The following NPC1 variants were observed in gnomAD, a reference collection of about 807,000 sequenced individuals.
NPC1 encodes the protein Niemann-Pick C1 protein.
A neutral mutation model predicts 140.4 loss-of-function variants in NPC1; 85 were observed. The observed-to-expected ratio is 0.61, with a 90% CI of 0.51 to 0.72. The LOEUF is 0.72. Among genes scored for constraint, NPC1 ranks in the 30% least tolerant of loss-of-function variants. NPC1 has a pLI of 0.00. For missense variants in NPC1, 1,504 were observed against 1,623.8 expected (o/e 0.93, Z 1.27); for synonymous variants, 656 against 624.8 (o/e 1.05, Z -0.74).
chr18:23,535,296 C>T (rs967576537), intron 22 of NPC1, among the ~76,000 whole-genome samples, 173 bp downstream of exon 22: 6 of 152,144 alleles, frequency 3.9e-5, no homozygotes, highest in African/African-American at 1.4e-4. Flanking sequence ...ATGCCCTGTC[C>T]CACCACCATC....
chr18:23,585,308 G>A (rs964764381), intron 1 of NPC1, among the ~76,000 whole-genome samples: 1 of 152,144 alleles, frequency 6.6e-6, no homozygotes, highest in Non-Finnish European at 1.5e-5. Flanking sequence ...GAACTGCTGA[G>A]CTCAAGAGAT....
downstream of NPC1, among the ~76,000 whole-genome samples, chr18:23,526,072 TG>T (rs1402721777): frequency 6.6e-6 from 1 of 152,234 alleles, no homozygotes; most frequent in African/African-American, 2.4e-5. Flanking sequence ...GTCACCCAGA[TG>T]ATTTTTTATG....
At chr18:23,544,868 A>G in intron 12 of NPC1, 92 bp downstream of exon 12, 2 of 938,386 alleles carry the variant, frequency 2.1e-6, no homozygotes, top group Non-Finnish European at 3.4e-6. Context: ...AGTTTTAAAC[A>G]TAATGGAATA....
Position 23,556,484 on chromosome 18 carries a change from G to T in NPC1, c.1085C>A (p.Thr362Asn), listed in dbSNP as rs761903316. ...AAACACCAGGCCTGACGAACACGCA[G>T]TAATGAAGACCAGCGAGAAGAAAAT... Reference protein sequence around the residue: ...CVIFFSLVFITACSSGLVFVR... With the variant: ...CVIFFSLVFINACSSGLVFVR... The change falls in exon 8 of 25, where the codon ACT (threonine) becomes AAT (asparagine). Residue 362 changes from threonine to asparagine, a missense_variant. Coordinates refer to ENST00000269228, the MANE Select transcript of NPC1 (RefSeq NM_000271.5). 11 of 1,614,198 alleles carry T rather than the reference G, an allele frequency of 6.8e-6. No individual in the cohort carries two copies. In the Admixed American group the frequency reaches 1.8e-4, roughly 27 times the overall value.
chr18:23,565,034 T>C (rs953602605), intron 4 of NPC1, among the ~76,000 whole-genome samples: 2 of 152,222 alleles, frequency 1.3e-5, no homozygotes, highest in Non-Finnish European at 2.9e-5. Flanking sequence ...TATATGTCTA[T>C]CTTTATTCCA....
At chr18:23,517,752 C>T (rs2058047320), downstream of NPC1, among the ~76,000 whole-genome samples, 1 of 151,924 alleles carries the variant, frequency 6.6e-6, no homozygotes. Context: ...GAGTGTCGCT[C>T]TGTTGCCCAG....
downstream of NPC1, among the ~76,000 whole-genome samples, chr18:23,521,965 C>T (rs1251721179): frequency 3.9e-5 from 6 of 152,186 alleles, no homozygotes. Context: ...TCAGATGGCT[C>T]ACATTTGGAA....
At chr18:23,579,577 G>A (rs1828317545) in intron 1 of NPC1, among the ~76,000 whole-genome samples, 1 of 152,130 alleles carries the variant, frequency 6.6e-6, no homozygotes, top group East Asian at 1.9e-4. Context: ...GATAGGAACA[G>A]TTCAGGAAAG....
In NPC1 at chr18:23,532,030, C is replaced by A. The variant is rs1598927547; in HGVS notation, c.*172G>T. ...CCTCCAGATCTAGTAATACTGCTTCCCAAGTCAACTGTGCATTCCTGAGTT... is the reference window on the plus strand; with the variant it reads ...CCTCCAGATCTAGTAATACTGCTTCACAAGTCAACTGTGCATTCCTGAGTT... On this transcript the variant is annotated 3_prime_UTR_variant, in exon 25 of 25. Transcript: ENST00000269228. The A allele has an allele frequency of 2.6e-6, 4 of 1,539,048 alleles. No homozygotes were observed. The highest frequency in any genetic ancestry group is 3.5e-6 in the Non-Finnish European group (4 of 1,144,910).
downstream of NPC1, chr18:23,520,347 C>G: frequency 6.6e-7 from 1 of 1,521,184 alleles, no homozygotes; most frequent in East Asian, 2.3e-5. Flanking sequence ...TCTGTGCTGC[C>G]CTTTCACCAT....
chr18:23,556,271 G>A lies in NPC1; in HGVS notation c.1298C>T (p.Pro433Leu), dbSNP rs1064793791. Reference protein sequence around the residue: ...YPSGADVPFGPPLDIQILHQV... With the variant: ...YPSGADVPFGLPLDIQILHQV... ...GTGCAGTATCTGTATGTCAAGCGGA[G>A]GTCCAAAGGGTACATCAGCTCCCGA... Residue 433 changes from proline (P) to leucine (L), a missense_variant, in exon 8 of 25, where the codon CCT (proline) becomes CTT (leucine). Coordinates refer to ENST00000269228, the MANE Select transcript of NPC1 (RefSeq NM_000271.5). The A allele has an allele frequency of 9.3e-6, 15 of 1,614,130 alleles. No homozygotes were observed. The highest frequency in any genetic ancestry group is 1.3e-5 in the Non-Finnish European group (15 of 1,180,020).
chr18:23,509,015 G>A (rs2057781502), intron 3 of NPC1, among the ~76,000 whole-genome samples: 1 of 152,056 alleles, frequency 6.6e-6, no homozygotes, highest in African/African-American at 2.4e-5. Flanking sequence ...TGAATGAAGA[G>A]TTATGGGCAA....
At chr18:23,558,320 G>C (rs979291961) in intron 6 of NPC1, among the ~76,000 whole-genome samples, 1 of 152,162 alleles carries the variant, frequency 6.6e-6, no homozygotes, top group Non-Finnish European at 1.5e-5. Flanking sequence ...TTGAGCAAGT[G>C]ATCAAGGTTA....
At chr18:23,520,250 GTTACC>G, downstream of NPC1, 1 of 1,614,060 alleles carries the variant, frequency 6.2e-7, no homozygotes, top group Non-Finnish European at 8.5e-7. Flanking sequence ...TGACGGCTCC[GTTACC>G]TTCCACCACC....
At chr18:23,530,276 G>T, downstream of NPC1, 1 of 1,614,194 alleles carries the variant, frequency 6.2e-7, no homozygotes, top group Non-Finnish European at 8.5e-7. Flanking sequence ...CTGCTCATCA[G>T]CTATCTCTGG....
intron 3 of NPC1, among the ~76,000 whole-genome samples, chr18:23,513,423 T>G (rs2057917050): frequency 6.6e-6 from 1 of 152,238 alleles, no homozygotes; most frequent in South Asian, 2.1e-4. Flanking sequence ...ATACACCACA[T>G]TTTGCTTATC....
intron 20 of NPC1, among the ~76,000 whole-genome samples, chr18:23,538,107 G>C (rs2058659117): frequency 6.6e-6 from 1 of 152,272 alleles, no homozygotes; most frequent in African/African-American, 2.4e-5. Context: ...GGGCTGGCAA[G>C]GAGCATGACG....
rs1598929370 is a variant in NPC1, at chr18:23,532,417, C to T, written c.3755-133G>A. The T allele has an allele frequency of 3.3e-6, 3 of 921,774 alleles. No homozygotes were observed. In the East Asian group the frequency reaches 7.3e-5, roughly 22 times the overall value. The allele number at this position is 921,774 out of a possible 1,614,324, so 57.1% of individuals were successfully genotyped here. On this transcript the variant is annotated intron_variant, in intron 24 of 24. Coordinates refer to ENST00000269228, the MANE Select transcript of NPC1 (RefSeq NM_000271.5). Reference sequence around the variant, plus strand: ...AATTGCTTGAGACCAGCCTGGACAACAGAGTGAGACCACATCTCTCTCCCT... The same window carrying T: ...AATTGCTTGAGACCAGCCTGGACAATAGAGTGAGACCACATCTCTCTCCCT...
Position 23,535,615 on chromosome 18 carries a change from G to T in NPC1, c.3331C>A (p.Leu1111Met). 1 of 1,614,188 alleles carries T rather than the reference G, an allele frequency of 6.2e-7. No homozygotes were observed. The highest frequency in any genetic ancestry group is 1.1e-5 in the South Asian group (1 of 91,084). The change falls in exon 22 of 25, where the codon CTG (leucine) becomes ATG (methionine). Residue 1111 changes from leucine (L) to methionine (M), a missense_variant. Transcript: ENST00000269228. The part of the protein sequence containing the change: ...NLGVSLGAIF[L>M]VTMVLLGCEL... ...CAGCCCAGGAGGACCATGGTCACCAGAAATATCGCGCCCAGGGACACACCG... is the reference window on the plus strand; with the variant it reads ...CAGCCCAGGAGGACCATGGTCACCATAAATATCGCGCCCAGGGACACACCG...
Sources: gnomAD v4.1 joint callset for allele counts (sites outside exome capture counted in the v4.1 genomes callset) on GRCh38, gnomAD v4.1.1 for gene constraint, MANE v1.5 for transcripts, NCBI Gene and HGNC (gene_info 2026-07-23, HGNC 2026-07-21) for gene names.